Variants in SNX29 observed in about 807,000 individuals in gnomAD.
The protein encoded by SNX29 is sorting nexin-29.
In SNX29, 78 loss-of-function variants were observed where a neutral mutation model predicts 102.1. The observed-to-expected ratio is 0.76, with a 90% CI of 0.64 to 0.92. The LOEUF (loss-of-function observed/expected upper bound fraction) is 0.92, where lower values mean the gene tolerates loss of function less well. Ranked by LOEUF, SNX29 falls within the 40% of genes least tolerant of loss-of-function variation. The pLI is 0.00. For synonymous variants in SNX29, 580 were observed against 414.5 expected, an observed-to-expected ratio of 1.40 and a Z score of -4.85; for missense variants, 1,280 against 1,061.7, an observed-to-expected ratio of 1.21 and a Z score of -2.86.
At position 12,569,260 on chromosome 16, in the gene SNX29, A is replaced by C. The variant is rs148052852; in HGVS notation, c.*631A>C. 743 of 227,278 alleles carry C rather than the reference A, an allele frequency of 3.3e-3. 10 individuals are homozygous for C. Among genetic ancestry groups the C allele is most frequent in the African/African-American group, 0.016 (710 of 45,038 alleles). 14.1% of individuals were successfully genotyped at this position (227,278 alleles called of 1,614,324 possible). A position where few individuals can be genotyped will look rare whatever the true frequency, so the allele number is the denominator to read the frequency against. On this transcript the variant is annotated 3_prime_UTR_variant, in exon 21 of 21. Coordinates refer to ENST00000566228, the MANE Select transcript of SNX29 (RefSeq NM_032167.5). ...TGGCAAGGAGCCATTAGTGATGTGC[A>C]ACTTGAGTTCAGAGAACTTCCCCTA...
At chr16:12,032,510 A>G (rs2057373479) in intron 4 of SNX29, among the ~76,000 whole-genome samples, 2 of 151,506 alleles carry the variant, frequency 1.3e-5, no homozygotes, top group Admixed American at 6.6e-5. Flanking sequence ...CTGGCCCAGA[A>G]TTTTCTTCTT....
intron 16 of SNX29, among the ~76,000 whole-genome samples, chr16:12,396,143 T>C (rs1426750254): frequency 6.6e-6 from 1 of 152,232 alleles, no homozygotes; most frequent in East Asian, 1.9e-4. Flanking sequence ...CTGTTCAAAA[T>C]GTTCCCTGAA....
At chr16:12,484,555 T>G (rs2088133252) in intron 19 of SNX29, among the ~76,000 whole-genome samples, 1 of 151,882 alleles carries the variant, frequency 6.6e-6, no homozygotes, top group Non-Finnish European at 1.5e-5. Flanking sequence ...CTCCCTCACC[T>G]CCCTCTCCTA....
chr16:12,563,007 C>T (rs1446390449), intron 20 of SNX29, among the ~76,000 whole-genome samples: 4 of 151,684 alleles, frequency 2.6e-5, no homozygotes, highest in African/African-American at 7.3e-5. Flanking sequence ...CTTCAATGCG[C>T]CTTTCAAACC....
intron 11 of SNX29, among the ~76,000 whole-genome samples, chr16:12,079,704 A>G (rs1018077014): frequency 5.3e-5 from 8 of 152,168 alleles, no homozygotes; most frequent in African/African-American, 1.9e-4. Context: ...GATGTGATGG[A>G]AATTTCTCTC....
chr16:12,563,090 T>A (rs913503411), intron 20 of SNX29, among the ~76,000 whole-genome samples: 1 of 145,174 alleles, frequency 6.9e-6, no homozygotes, highest in Non-Finnish European at 1.6e-5. Flanking sequence ...GAATGTTACA[T>A]AGAAGACGCA....
intron 20 of SNX29, among the ~76,000 whole-genome samples, chr16:12,543,476 G>T (rs560001793): frequency 6.6e-6 from 1 of 152,336 alleles, no homozygotes; most frequent in Admixed American, 6.5e-5. Context: ...ACAGCTGTCA[G>T]TAAAGCCACA....
At chr16:12,555,121 A>G (rs532356757) in intron 20 of SNX29, among the ~76,000 whole-genome samples, 2,321 of 118,124 alleles carry the variant, frequency 0.02, 56 homozygotes, top group African/African-American at 0.053. Context: ...TCAGAGTATC[A>G]AAAGGCTTAT....
intron 14 of SNX29, among the ~76,000 whole-genome samples, chr16:12,248,901 C>G (rs1407260646): frequency 1.3e-5 from 2 of 152,048 alleles, no homozygotes; most frequent in African/African-American, 4.8e-5. Flanking sequence ...TATTCTCTGC[C>G]GAGTCTTAGT....
intron 18 of SNX29, among the ~76,000 whole-genome samples, chr16:12,447,718 G>A (rs1023332489): frequency 6.6e-6 from 1 of 152,202 alleles, no homozygotes; most frequent in African/African-American, 2.4e-5. Flanking sequence ...AAGATTGCCA[G>A]CTCGTGTGTT....
chr16:12,419,659 C>A (rs1418944901), intron 18 of SNX29, among the ~76,000 whole-genome samples: 2 of 152,088 alleles, frequency 1.3e-5, no homozygotes, highest in African/African-American at 4.8e-5. Context: ...CAGCTCCAGG[C>A]CTGCATCGTC....
chr16:12,258,255 G>T lies in SNX29; in HGVS notation c.1679-19678G>T, dbSNP rs552484419. On this transcript the variant is annotated intron_variant, in intron 14 of 20. Transcript: ENST00000566228. ...CTGCCGCCACCTGCCGTCCTGCTCT[G>T]ACCTGTCACCTCGTCTCTGTGTGTA... Among the ~76,000 whole-genome samples, 15 of 152,310 alleles carry T rather than the reference G, an allele frequency of 9.8e-5. No individual in the cohort carries two copies. The East Asian group carries it at 2.7e-3, about 27-fold the overall frequency.
chr16:12,045,169 G>A (rs572703421), intron 5 of SNX29, among the ~76,000 whole-genome samples: 77 of 152,244 alleles, frequency 5.1e-4, no homozygotes, highest in Non-Finnish European at 8.8e-4. Flanking sequence ...TGGTTTGTAC[G>A]TCTACTAACA....
rs66825746 is a variant in SNX29 at position 12,557,015 on chromosome 16, A to ACACCCCCCCCCCCCCCC, written c.2319-11490_2319-11489insACCCCCCCCCCCCCCCC. Among the ~76,000 whole-genome samples, 39 of 31,810 alleles carry ACACCCCCCCCCCCCCCC rather than the reference A, an allele frequency of 1.2e-3. 11 individuals carry two copies. Among genetic ancestry groups the ACACCCCCCCCCCCCCCC allele is most frequent in the Admixed American group, 2.2e-3 (8 of 3,620 alleles). 20.9% of individuals were successfully genotyped at this position (31,810 alleles called of 152,430 possible). A position where few individuals can be genotyped will look rare whatever the true frequency, so the allele number is the denominator to read the frequency against. On this transcript the variant is annotated intron_variant, in intron 20 of 20. Transcript: ENST00000566228. ...GGTACACACCACATCTGGCTAATTT[A>ACACCCCCCCCCCCCCCC]CCCCCCCCCCGCCCCAAGATGAGGT...
At chr16:12,456,702 A>G (rs997104849) in intron 18 of SNX29, among the ~76,000 whole-genome samples, 6 of 151,954 alleles carry the variant, frequency 3.9e-5, no homozygotes, top group Admixed American at 2.6e-4. Context: ...TAGCATGTGT[A>G]TGTATATGTA....
intron 20 of SNX29, among the ~76,000 whole-genome samples, chr16:12,528,449 C>G (rs1015939060): frequency 2.6e-5 from 4 of 152,158 alleles, no homozygotes; most frequent in African/African-American, 7.2e-5. Flanking sequence ...ATCCGCGTAC[C>G]TCGACCTCCG....
At chr16:12,124,028 A>AG (rs1162748675) in intron 11 of SNX29, among the ~76,000 whole-genome samples, 1 of 152,168 alleles carries the variant, frequency 6.6e-6, no homozygotes, top group Non-Finnish European at 1.5e-5. Flanking sequence ...CCGAAGTGTG[A>AG]GGGACATGAT....
At chr16:12,284,187 C>T (rs562147901) in intron 15 of SNX29, among the ~76,000 whole-genome samples, 1 of 152,236 alleles carries the variant, frequency 6.6e-6, no homozygotes, top group East Asian at 1.9e-4. Context: ...TTTGTCGCTG[C>T]CTTCTGCAGC....
At chr16:12,369,427 TGCCCG>T (rs1265446422) in intron 16 of SNX29, among the ~76,000 whole-genome samples, 1 of 152,140 alleles carries the variant, frequency 6.6e-6, no homozygotes, top group Non-Finnish European at 1.5e-5. Flanking sequence ...TGAGCCACCG[TGCCCG>T]GCCGCATGTT....
Sources: allele counts gnomAD v4.1 joint callset (sites outside exome capture counted in the v4.1 genomes callset), GRCh38; gene constraint gnomAD v4.1.1; transcripts MANE v1.5; gene names NCBI Gene and HGNC (gene_info 2026-07-23, HGNC 2026-07-21).